The following CABLES1 variants were observed in gnomAD, a reference collection of about 807,000 sequenced individuals.
The protein encoded by CABLES1 is CDK5 and ABL1 enzyme substrate 1.
CABLES1 carries 36 observed loss-of-function variants against 57.8 expected under a neutral mutation model. The ratio of observed to expected loss-of-function variants is 0.62; its 90% CI spans 0.48 to 0.82. The LOEUF (loss-of-function observed/expected upper bound fraction) is 0.82, where lower values mean the gene tolerates loss of function less well. Among genes scored for constraint, CABLES1 ranks in the 40% least tolerant of loss-of-function variants. CABLES1 has a pLI of 0.00. For missense variants in CABLES1, 767 were observed against 836.6 expected (o/e 0.92, Z 1.03); for synonymous variants, 374 against 363.0 (o/e 1.03, Z -0.35).
intron 1 of CABLES1, among the ~76,000 whole-genome samples, chr18:23,150,996 G>C (rs975282773): frequency 6.7e-6 from 1 of 150,020 alleles, no homozygotes; most frequent in South Asian, 2.1e-4. Flanking sequence ...CCGCTGGGGA[G>C]CACAGTGCCC....
At chr18:23,176,324 C>G (rs1322859642) in intron 1 of CABLES1, among the ~76,000 whole-genome samples, 3 of 152,122 alleles carry the variant, frequency 2.0e-5, no homozygotes, top group Non-Finnish European at 4.4e-5. Flanking sequence ...CTCGAGTGCA[C>G]AGTTCACAAT....
At chr18:23,193,190 C>CTTACTT (rs2047257506) in intron 2 of CABLES1, among the ~76,000 whole-genome samples, 2 of 138,422 alleles carry the variant, frequency 1.4e-5, no homozygotes, top group African/African-American at 5.8e-5. Flanking sequence ...TTAAAAGAAT[C>CTTACTT]TTTCTTTTTT....
At chr18:23,247,946 C>T (rs890934095) in intron 7 of CABLES1, among the ~76,000 whole-genome samples, 1 of 152,232 alleles carries the variant, frequency 6.6e-6, no homozygotes, top group East Asian at 1.9e-4. Flanking sequence ...CCCTCCCTGC[C>T]CACTCCCTGC....
At chr18:23,246,639 C>T (rs190971454) in intron 7 of CABLES1, among the ~76,000 whole-genome samples, 2,077 of 151,756 alleles carry the variant, frequency 0.014, 31 homozygotes, top group Non-Finnish European at 0.023. Flanking sequence ...GATCCGCCCA[C>T]CTTGGCCTCC....
At chr18:23,159,440 CTGT>C (rs1356129900) in intron 1 of CABLES1, among the ~76,000 whole-genome samples, 1 of 152,228 alleles carries the variant, frequency 6.6e-6, no homozygotes, top group African/African-American at 2.4e-5. Context: ...TGCTGAAGTG[CTGT>C]TGTTAGAAAA....
chr18:23,155,933 A>C, intron 1 of CABLES1: 1 of 1,614,176 alleles, frequency 6.2e-7, no homozygotes. Flanking sequence ...CCATGCAAGA[A>C]TATATGCTGA....
intron 9 of CABLES1, 183 bp from the exon 10 acceptor site, chr18:23,257,044 T>A: frequency 1.6e-6 from 1 of 636,384 alleles, no homozygotes; most frequent in Non-Finnish European, 2.7e-6. Flanking sequence ...GAGCAGCTCC[T>A]TCACAACCAG....
intron 1 of CABLES1, among the ~76,000 whole-genome samples, chr18:23,170,436 G>A (rs11874453): frequency 0.44 from 66,910 of 151,970 alleles, 15,939 homozygotes; most frequent in East Asian, 0.62. Flanking sequence ...TGGTAGCAGG[G>A]TTGCTTCTGA....
chr18:23,222,897 G>A (rs959170417), intron 4 of CABLES1, among the ~76,000 whole-genome samples: 4 of 152,194 alleles, frequency 2.6e-5, no homozygotes, highest in Admixed American at 6.5e-5. Flanking sequence ...AAAAGAGGGC[G>A]TCGAGCTGCA....
chr18:23,246,101 T>TA (rs1293565869), intron 7 of CABLES1, among the ~76,000 whole-genome samples: 2 of 152,050 alleles, frequency 1.3e-5, no homozygotes. Context: ...CTGTCTCTAC[T>TA]AAAAATGCAA....
intron 7 of CABLES1, among the ~76,000 whole-genome samples, chr18:23,239,177 C>T (rs906917657): frequency 3.3e-5 from 5 of 152,324 alleles, no homozygotes; most frequent in South Asian, 2.1e-4. Flanking sequence ...TACAACTTTT[C>T]CTCCTTAGAC....
chr18:23,240,999 G>C (rs180984148), intron 7 of CABLES1, among the ~76,000 whole-genome samples: 7 of 152,312 alleles, frequency 4.6e-5, no homozygotes, highest in African/African-American at 1.7e-4. Context: ...TCCAGATATA[G>C]AGCATTTCTG....
chr18:23,240,120 C>A (rs2047697985), intron 7 of CABLES1, among the ~76,000 whole-genome samples: 1 of 152,004 alleles, frequency 6.6e-6, no homozygotes, highest in South Asian at 2.1e-4. Context: ...CCTGTCTCAA[C>A]AAAACAAAAC....
At chr18:23,156,052 T>C in intron 1 of CABLES1, 2 of 1,381,010 alleles carry the variant, frequency 1.4e-6, no homozygotes, top group Admixed American at 3.4e-5. Flanking sequence ...AATTGATCTC[T>C]GAGGCTCAGC....
intron 4 of CABLES1, among the ~76,000 whole-genome samples, chr18:23,218,306 G>A (rs1018769140): frequency 2.8e-4 from 36 of 130,426 alleles, no homozygotes; most frequent in African/African-American, 8.1e-4. Context: ...CCTGCCTCCC[G>A]CATCCTCACT....
Position 23,135,923 on chromosome 18 carries a change from A to G in CABLES1, c.161A>G (p.Lys54Arg). 1 of 1,100,018 alleles carries G rather than the reference A, an allele frequency of 9.1e-7. No individual in the cohort carries two copies. The highest frequency in any genetic ancestry group is 1.1e-6 in the Non-Finnish European group (1 of 908,166). 68.1% of individuals were successfully genotyped at this position (1,100,018 alleles called of 1,614,324 possible). Residue 54 changes from lysine (K) to arginine (R), a missense_variant, in exon 1 of 10, where the codon AAG (lysine) becomes AGG (arginine). Physicochemically the swap from Lys to Arg is conservative, Grantham distance 26. This residue lies in a region of CABLES1 where 198 missense variants were observed against 149.7 expected (regional missense o/e 1.32). Coordinates refer to ENST00000256925, the MANE Select transcript of CABLES1 (RefSeq NM_001100619.3). ...CAGCCGCCGCCCGAACCCCCCCGGA[A>G]GCCGCGCATGGACCCGCGGCGCCGC... Reference protein sequence around the residue: ...PAQPPPEPPRKPRMDPRRRQA... With the variant: ...PAQPPPEPPRRPRMDPRRRQA...
chr18:23,155,891 CTCCT>C, intron 1 of CABLES1: 1 of 1,613,790 alleles, frequency 6.2e-7, no homozygotes, highest in Non-Finnish European at 8.5e-7. Flanking sequence ...AAGCCTCTGC[CTCCT>C]TCCTTGAATG....
intron 1 of CABLES1, among the ~76,000 whole-genome samples, chr18:23,154,373 G>T (rs575763363): frequency 3.9e-5 from 6 of 152,304 alleles, no homozygotes; most frequent in Middle Eastern, 6.8e-3. Context: ...TTTATTGGTG[G>T]TTTTTCATAA....
chr18:23,214,630 C>G (rs1160051763), intron 4 of CABLES1: 1 of 152,456 alleles, frequency 6.6e-6, no homozygotes, highest in Non-Finnish European at 1.5e-5. Context: ...AAAGCCTCCG[C>G]TCTTCATCGC....
Sources: gnomAD v4.1 joint callset for allele counts (sites outside exome capture counted in the v4.1 genomes callset) on GRCh38, gnomAD v4.1.1 for gene constraint, gnomAD v4.1.1 regional missense constraint, MANE v1.5 for transcripts, NCBI Gene and HGNC (gene_info 2026-07-23, HGNC 2026-07-21) for gene names.